PHKA1: variants seen among roughly 807,000 people sequenced by gnomAD.
The protein encoded by PHKA1 is phosphorylase b kinase regulatory subunit alpha, skeletal muscle isoform.
PHKA1 carries 60 observed loss-of-function variants against 110.2 expected under a neutral mutation model. The ratio of observed to expected loss-of-function variants is 0.54; its 90% CI spans 0.44 to 0.68. The LOEUF is 0.68. Ranked by LOEUF, PHKA1 falls within the 30% of genes least tolerant of loss-of-function variation. The probability of loss-of-function intolerance (pLI) is 0.00; values close to 1 mark genes in which losing one functional copy is unlikely to be tolerated. For synonymous variants in PHKA1, 316 were observed against 333.6 expected (o/e 0.95, Z 0.58); for missense variants, 801 against 942.5 (o/e 0.85, Z 1.97).
At chrX:72,596,990 C>T (rs782465813) in intron 28 of PHKA1, among the ~76,000 whole-genome samples, 6 of 112,008 alleles carry the variant, frequency 5.4e-5, no homozygotes, top group Non-Finnish European at 9.4e-5. Flanking sequence ...TCAACAAGGA[C>T]GCCAAGATAA....
chrX:72,627,529 T>C (rs1268751692), intron 16 of PHKA1, among the ~76,000 whole-genome samples: 2 of 112,443 alleles, frequency 1.8e-5, no homozygotes, highest in African/African-American at 6.5e-5. Flanking sequence ...CTACATATAC[T>C]CTTTCATGAT....
At chrX:72,605,243 C>T in intron 25 of PHKA1, 28 bp downstream of exon 25, 1 of 1,159,020 alleles carries the variant, frequency 8.6e-7, no homozygotes, top group Non-Finnish European at 1.2e-6. Flanking sequence ...AAGTGAATTC[C>T]ACCTAAAATA....
chrX:72,604,647 T>C (rs2052702915), intron 25 of PHKA1, among the ~76,000 whole-genome samples: 1 of 111,694 alleles, frequency 9.0e-6, no homozygotes, highest in Admixed American at 9.5e-5. Context: ...TTTGCAATTC[T>C]TGTTGAAATC....
Position 72,611,759 on chromosome X carries a change from A to G in PHKA1, c.2370-575T>C, listed in dbSNP as rs60353870. Among the ~76,000 whole-genome samples the G allele has an allele frequency of 1.7e-3, 190 of 112,316 alleles. 2 individuals carry two copies. Among genetic ancestry groups the G allele is most frequent in the African/African-American group, 5.8e-3 (179 of 30,998 alleles). On this transcript the variant is annotated intron_variant, in intron 21 of 31. Coordinates refer to ENST00000373542, the MANE Select transcript of PHKA1 (RefSeq NM_002637.4). ...CAAGATAACATTTTTAACCTATCAG[A>G]TTGTCAAAAGTCCCTAAAGTTGATA...
At chrX:72,668,709 T>C (rs2053643234) in intron 6 of PHKA1, among the ~76,000 whole-genome samples, 1 of 111,347 alleles carries the variant, frequency 9.0e-6, no homozygotes, top group South Asian at 3.8e-4. Context: ...TACTCATTAA[T>C]TACTGCCTTA....
At chrX:72,598,561 T>C (rs782450701) in intron 28 of PHKA1, among the ~76,000 whole-genome samples, 6 of 111,736 alleles carry the variant, frequency 5.4e-5, no homozygotes, top group African/African-American at 9.8e-5. Flanking sequence ...GAAGGTTCAT[T>C]GTAGAATTAT....
intron 8 of PHKA1, 126 bp downstream of exon 8, chrX:72,666,025 A>G: frequency 1.5e-6 from 1 of 680,503 alleles, no homozygotes. Context: ...AGAAACTATA[A>G]AGACAACTCA....
At chrX:72,710,572 C>T (rs1247899245) in intron 2 of PHKA1, among the ~76,000 whole-genome samples, 2 of 111,685 alleles carry the variant, frequency 1.8e-5, no homozygotes, top group African/African-American at 3.3e-5. Context: ...AAATTGAGAC[C>T]TAATAATAAA....
intron 9 of PHKA1, among the ~76,000 whole-genome samples, chrX:72,656,472 G>T (rs1290111408): frequency 1.8e-5 from 2 of 112,235 alleles, no homozygotes; most frequent in Non-Finnish European, 3.8e-5. Context: ...AATAAGATTG[G>T]TTTGCAATAA....
At chrX:72,616,807 T>C (rs782716590) in intron 21 of PHKA1, among the ~76,000 whole-genome samples, 19 of 112,163 alleles carry the variant, frequency 1.7e-4, no homozygotes, top group Non-Finnish European at 3.0e-4. Flanking sequence ...CAAGTATCTT[T>C]TCTGATCACA....
chrX:72,620,959 T>C (rs2052970550), intron 18 of PHKA1, 58 bp from the exon 19 acceptor site: 10 of 1,123,913 alleles, frequency 8.9e-6, no homozygotes, highest in Non-Finnish European at 1.1e-5. Context: ...TTAGTTACTT[T>C]ACAATCTACC....
chrX:72,670,539 T>G (rs2053679019), intron 6 of PHKA1, among the ~76,000 whole-genome samples: 1 of 112,011 alleles, frequency 8.9e-6, no homozygotes, highest in Non-Finnish European at 1.9e-5. Flanking sequence ...CTTCTGAAAC[T>G]ATTCCAACCA....
At chrX:72,706,241 TA>T (rs1193292179) in intron 2 of PHKA1, among the ~76,000 whole-genome samples, 1 of 112,073 alleles carries the variant, frequency 8.9e-6, no homozygotes, top group East Asian at 2.8e-4. Flanking sequence ...TCCCCTTTCT[TA>T]AGTCATTTCT....
chrX:72,582,484 C>T lies in PHKA1; in HGVS notation c.3412G>A (p.Ala1138Thr). 1 of 1,205,060 alleles carries T rather than the reference C, an allele frequency of 8.3e-7. No homozygotes were observed. Residue 1138 changes from alanine (A) to threonine (T), a missense_variant, in exon 31 of 32, where the codon GCA becomes ACA. Physicochemically the swap from Ala to Thr is moderately conservative, Grantham distance 58. Transcript: ENST00000373542. ...VEAILVLTMLADIEIHSIGSI... is the reference protein window; with the variant it reads ...VEAILVLTMLTDIEIHSIGSI... ...CCGATGCTATGAATTTCAATATCTG[C>T]CAGCATGGTGAGGACAAGGATGGCT...
rs2053070912 is a variant in PHKA1, at chrX:72,626,448, T to C, written c.1793+523A>G. Among the ~76,000 whole-genome samples, 6 of 110,165 alleles carry C rather than the reference T, an allele frequency of 5.4e-5. No individual in the cohort carries two copies. In the South Asian group the frequency reaches 2.0e-3, roughly 36 times the overall value. On this transcript the variant is annotated intron_variant, in intron 17 of 31. Transcript: ENST00000373542. ...TTTGAGATCTAGGCAAAGAACAGGG[T>C]AGGAAAAACTTCCAACCTTCCTCTA...
At chrX:72,695,230 G>A (rs782465187) in intron 4 of PHKA1, among the ~76,000 whole-genome samples, 10 of 111,169 alleles carry the variant, frequency 9.0e-5, no homozygotes, top group African/African-American at 3.3e-4. Flanking sequence ...AGGTATAATC[G>A]GATACATTGC....
intron 4 of PHKA1, among the ~76,000 whole-genome samples, 180 bp downstream of exon 4, chrX:72,695,527 CA>C (rs1217992347): frequency 9.0e-6 from 1 of 111,469 alleles, no homozygotes; most frequent in African/African-American, 3.3e-5. Context: ...GTAATGAGAA[CA>C]AGCAATGAAA....
chrX:72,684,622 C>A, intron 4 of PHKA1, 42 bp from the exon 5 acceptor site: 1 of 843,065 alleles, frequency 1.2e-6, no homozygotes, highest in East Asian at 3.2e-5. Context: ...GGTCAATTAT[C>A]ACTATAAGCT....
At chrX:72,699,812 G>A (rs782301871) in intron 3 of PHKA1, among the ~76,000 whole-genome samples, 1 of 111,472 alleles carries the variant, frequency 9.0e-6, no homozygotes, top group African/African-American at 3.3e-5. Flanking sequence ...AAAATAAGCT[G>A]CATTCCTGAA....
Sources: allele counts gnomAD v4.1 joint callset (sites outside exome capture counted in the v4.1 genomes callset), GRCh38; gene constraint gnomAD v4.1.1; transcripts MANE v1.5; gene names NCBI Gene and HGNC (gene_info 2026-07-23, HGNC 2026-07-21).